The following RB1 variants were observed in gnomAD, a reference collection of about 807,000 sequenced individuals.
RB1 encodes the protein RB transcriptional corepressor 1.
RB1 carries 18 observed loss-of-function variants against 135.4 expected under a neutral mutation model. The ratio of observed to expected loss-of-function variants is 0.13; its 90% CI spans 0.09 to 0.20. The LOEUF (loss-of-function observed/expected upper bound fraction) is 0.20, where lower values mean the gene tolerates loss of function less well. RB1 is among the 10% of genes least tolerant of loss of function. The pLI, the probability that RB1 is intolerant of heterozygous loss-of-function variation, is 1.00. For synonymous variants in RB1, 365 were observed against 373.2 expected (o/e 0.98, Z 0.25); for missense variants, 868 against 1,110.0 (o/e 0.78, Z 3.10).
chr13:48,476,893 G>C (rs761220719), intron 25 of RB1, 50 bp downstream of exon 25: 2 of 1,596,458 alleles, frequency 1.3e-6, no homozygotes, highest in Non-Finnish European at 1.7e-6. Flanking sequence ...GTCATCTGGG[G>C]AATCCAGAGT....
intron 13 of RB1, among the ~76,000 whole-genome samples, chr13:48,378,333 G>A (rs982908723): frequency 3.3e-5 from 5 of 151,906 alleles, no homozygotes; most frequent in African/African-American, 1.2e-4. Context: ...TCCTTATTCT[G>A]TACACTTTTT....
At chr13:48,440,598 T>C (rs1949227359) in intron 17 of RB1, among the ~76,000 whole-genome samples, 1 of 152,204 alleles carries the variant, frequency 6.6e-6, no homozygotes, top group African/African-American at 2.4e-5. Context: ...GCCTTTCTTC[T>C]ACTGTGTCAA....
rs929602854 is a variant in RB1, at chr13:48,433,216, A to AT, written c.1696-19768dup. 2.4e-4 allele frequency among the ~76,000 whole-genome samples: 36 copies of AT among 151,424 alleles called. No individual in the cohort carries two copies. In the East Asian group the frequency reaches 6.4e-3, roughly 27 times the overall value. ...TAGAAATAGATTCTTTTAGACGTTA[A>AT]TTTTTTTTTCAAAAAGATACATATG... is the stretch of plus-strand genomic sequence containing the variant. On this transcript the variant is annotated intron_variant, in intron 17 of 26. Coordinates refer to ENST00000267163, the MANE Select transcript of RB1 (RefSeq NM_000321.3).
intron 2 of RB1, among the ~76,000 whole-genome samples, chr13:48,326,734 A>G (rs1566181417): frequency 6.6e-6 from 1 of 152,142 alleles, no homozygotes; most frequent in African/African-American, 2.4e-5. Flanking sequence ...GCGAGCAGTT[A>G]CCACCAATAA....
rs535554191 is a variant in RB1, at chr13:48,431,522, C to T, written c.1696-21471C>T. ...GAAGAATTATTGGTATGATTCTAAGCCACTAGTCATCTATTCCCAGAGCAA... is the reference window on the plus strand; with the variant it reads ...GAAGAATTATTGGTATGATTCTAAGTCACTAGTCATCTATTCCCAGAGCAA... On this transcript the variant is annotated intron_variant, in intron 17 of 26. Transcript: ENST00000267163. 2.0e-5 allele frequency among the ~76,000 whole-genome samples: 3 copies of T among 152,226 alleles called. No individual in the cohort carries two copies. In the South Asian group the frequency reaches 6.2e-4, roughly 32 times the overall value.
At chr13:48,435,588 C>T (rs574127822) in intron 17 of RB1, among the ~76,000 whole-genome samples, 7 of 152,236 alleles carry the variant, frequency 4.6e-5, no homozygotes, top group African/African-American at 1.7e-4. Flanking sequence ...TCCAGTTTAT[C>T]ACTTTTTCCT....
At chr13:48,477,454 T>C in intron 26 of RB1, 50 bp downstream of exon 26, 1 of 1,407,178 alleles carries the variant, frequency 7.1e-7, no homozygotes, top group Non-Finnish European at 1.0e-6. Flanking sequence ...TTGTTTACAC[T>C]GCAAGAAGTC....
rs1453432045 is a variant in RB1, at chr13:48,362,803, C to T, written c.719-12C>T. The stretch of plus-strand genomic sequence containing the variant: ...TGTACAATTGTTCTTATCTAATTTA[C>T]CACTTTTACAGAAACAGCTGTTATA... On this transcript the variant is annotated splice_polypyrimidine_tract_variant and intron_variant, in intron 7 of 26. Coordinates refer to ENST00000267163, the MANE Select transcript of RB1 (RefSeq NM_000321.3). The T allele has an allele frequency of 1.2e-6, 2 of 1,612,154 alleles. No individual in the cohort carries two copies. Among genetic ancestry groups the T allele is most frequent in the South Asian group, 1.1e-5 (1 of 91,042 alleles).
At chr13:48,389,380 G>T (rs1948595081) in intron 17 of RB1, among the ~76,000 whole-genome samples, 1 of 152,022 alleles carries the variant, frequency 6.6e-6, no homozygotes, top group Non-Finnish European at 1.5e-5. Context: ...AGTGGACACA[G>T]TCAAATAGAT....
intron 1 of RB1, among the ~76,000 whole-genome samples, chr13:48,305,989 G>A (rs1593413694): frequency 6.6e-6 from 1 of 152,230 alleles, no homozygotes; most frequent in Non-Finnish European, 1.5e-5. Context: ...CATGTTTCGA[G>A]CTGGGTGTGA....
chr13:48,338,785 G>A (rs149271401), intron 2 of RB1, among the ~76,000 whole-genome samples: 31 of 152,308 alleles, frequency 2.0e-4, no homozygotes, highest in Admixed American at 6.5e-4. Flanking sequence ...CTTTTCTGCT[G>A]TTTTTTCCCC....
chr13:48,341,556 A>G (rs1383265471), intron 2 of RB1, among the ~76,000 whole-genome samples: 1 of 152,044 alleles, frequency 6.6e-6, no homozygotes, highest in Non-Finnish European at 1.5e-5. Context: ...CCATTGCACT[A>G]CATCCTCACT....
chr13:48,400,442 A>G (rs1400802959), intron 17 of RB1, among the ~76,000 whole-genome samples: 2 of 152,004 alleles, frequency 1.3e-5, no homozygotes, highest in African/African-American at 2.4e-5. Context: ...CTTTTAGTGT[A>G]TATTAGTTTA....
chr13:48,312,235 A>G (rs1952137777), intron 2 of RB1, among the ~76,000 whole-genome samples: 1 of 151,418 alleles, frequency 6.6e-6, no homozygotes, highest in African/African-American at 2.4e-5. Context: ...ATTTAAATGG[A>G]TTTTTGTTGT....
At chr13:48,318,313 C>T in intron 2 of RB1, 1 of 1,262,558 alleles carries the variant, frequency 7.9e-7, no homozygotes, top group Non-Finnish European at 1.1e-6. Flanking sequence ...TGCATCTGGG[C>T]AGTGCTGAAC....
intron 2 of RB1, among the ~76,000 whole-genome samples, chr13:48,311,813 C>T (rs1952133085): frequency 6.6e-6 from 1 of 152,200 alleles, no homozygotes. Context: ...CCAAGCGATT[C>T]TCCTGTCTCA....
Position 48,479,727 on chromosome 13 carries a change from C to T in RB1, c.2714-271C>T, listed in dbSNP as rs1949526254. On this transcript the variant is annotated intron_variant, in intron 26 of 26. Coordinates refer to ENST00000267163, the MANE Select transcript of RB1 (RefSeq NM_000321.3). The stretch of plus-strand genomic sequence containing the variant: ...CATGTGATGTTTTGATACGTGTACA[C>T]AATGTGTAATGATCAAATCAGGGTT... 3.3e-5 allele frequency among the ~76,000 whole-genome samples: 5 copies of T among 151,782 alleles called. No individual in the cohort carries two copies. The South Asian group carries it at 1.0e-3, about 32-fold the overall frequency.
At chr13:48,409,670 T>A (rs1036038762) in intron 17 of RB1, among the ~76,000 whole-genome samples, 1 of 144,634 alleles carries the variant, frequency 6.9e-6, no homozygotes, top group East Asian at 2.2e-4. Flanking sequence ...AACCTCTGAC[T>A]CCTGGGTTCA....
At chr13:48,475,177 C>T (rs990657730) in intron 24 of RB1, among the ~76,000 whole-genome samples, 2 of 152,168 alleles carry the variant, frequency 1.3e-5, no homozygotes, top group Non-Finnish European at 2.9e-5. Context: ...GGCCAGAGAG[C>T]TTATATTCTT....
Sources: gnomAD v4.1 joint callset for allele counts (sites outside exome capture counted in the v4.1 genomes callset) on GRCh38, gnomAD v4.1.1 for gene constraint, MANE v1.5 for transcripts, NCBI Gene and HGNC (gene_info 2026-07-23, HGNC 2026-07-21) for gene names.